The following MYO10 variants were observed in gnomAD, a reference collection of about 807,000 sequenced individuals.
The protein encoded by MYO10 is unconventional myosin-X.
Under a neutral mutation model 257.3 loss-of-function variants are expected in MYO10, and 133 were observed. That is an observed-to-expected ratio of 0.52 (90% CI 0.45 to 0.60). MYO10 has a LOEUF of 0.60. Among genes scored for constraint, MYO10 ranks in the 20% least tolerant of loss-of-function variants. MYO10 has a pLI of 0.00. For missense variants in MYO10, 2,399 were observed against 2,635.7 expected (o/e 0.91, Z 1.97); for synonymous variants, 1,104 against 1,028.6 (o/e 1.07, Z -1.40).
At chr5:16,904,762 T>C (rs766491304) in intron 1 of MYO10, among the ~76,000 whole-genome samples, 1 of 152,094 alleles carries the variant, frequency 6.6e-6, no homozygotes, top group Non-Finnish European at 1.5e-5. Flanking sequence ...ACCCCGTCTC[T>C]ACTAAAAATT....
chr5:16,826,711 G>T (rs759462891), intron 2 of MYO10, among the ~76,000 whole-genome samples: 4 of 152,166 alleles, frequency 2.6e-5, no homozygotes, highest in African/African-American at 4.8e-5. Context: ...CCCTTTGCAC[G>T]AAGTTGGCTG....
At chr5:16,890,602 G>A (rs1236622465) in intron 1 of MYO10, among the ~76,000 whole-genome samples, 1 of 151,720 alleles carries the variant, frequency 6.6e-6, no homozygotes, top group Non-Finnish European at 1.5e-5. Flanking sequence ...AACTTTGGGA[G>A]GCCGGGGCAG....
At chr5:16,784,073 G>A (rs1741502896) in intron 4 of MYO10, among the ~76,000 whole-genome samples, 1 of 152,202 alleles carries the variant, frequency 6.6e-6, no homozygotes, top group Admixed American at 6.5e-5. Context: ...ACGTGTTAGT[G>A]ATAGTTAAGG....
At chr5:16,675,656 T>C (rs27502) in intron 34 of MYO10, among the ~76,000 whole-genome samples, 6,099 of 152,188 alleles carry the variant, frequency 0.04, 294 homozygotes, top group African/African-American at 0.12. Flanking sequence ...GAGAACGACC[T>C]TAACCTGGGA....
chr5:16,750,042 C>T (rs924895862), intron 19 of MYO10, among the ~76,000 whole-genome samples: 1 of 152,116 alleles, frequency 6.6e-6, no homozygotes, highest in Non-Finnish European at 1.5e-5. Flanking sequence ...CGCCACCGCC[C>T]AAGCAAATCA....
intron 4 of MYO10, among the ~76,000 whole-genome samples, chr5:16,787,278 G>A (rs1053676541): frequency 3.3e-5 from 5 of 152,124 alleles, no homozygotes; most frequent in Admixed American, 3.3e-4. Flanking sequence ...GAGGTAAGTG[G>A]TGTCTACTCA....
intron 2 of MYO10, among the ~76,000 whole-genome samples, chr5:16,863,333 G>A (rs1163558358): frequency 1.3e-5 from 2 of 152,166 alleles, no homozygotes; most frequent in Non-Finnish European, 2.9e-5. Flanking sequence ...AGGGGCTGGG[G>A]TGGGAAGGCA....
intron 30 of MYO10, 123 bp downstream of exon 30, chr5:16,683,757 G>C (rs1457866274): frequency 6.7e-6 from 6 of 895,178 alleles, no homozygotes; most frequent in Non-Finnish European, 1.0e-5. Flanking sequence ...TTGACAAGGT[G>C]GGAACACACA....
intron 2 of MYO10, among the ~76,000 whole-genome samples, chr5:16,829,550 G>A (rs142753993): frequency 1.3e-5 from 2 of 152,276 alleles, no homozygotes; most frequent in African/African-American, 4.8e-5. Context: ...ATCAGGGATG[G>A]TGCACACAAC....
chr5:16,934,604 A>G (rs532627485), intron 1 of MYO10, among the ~76,000 whole-genome samples: 19 of 152,348 alleles, frequency 1.2e-4, no homozygotes, highest in African/African-American at 4.6e-4. Context: ...AAAAGGAAAA[A>G]TATGTATTGA....
chr5:16,881,525 C>A (rs1224811628), intron 1 of MYO10, among the ~76,000 whole-genome samples: 1 of 152,198 alleles, frequency 6.6e-6, no homozygotes, highest in Non-Finnish European at 1.5e-5. Flanking sequence ...AAATCCACAG[C>A]CCATTGGCCA....
rs574472495 is a variant in MYO10, at chr5:16,823,933, A to C, written c.121-5766T>G. Among the ~76,000 whole-genome samples the C allele has an allele frequency of 1.6e-4, 25 of 152,298 alleles. No homozygotes were observed. In the South Asian group the frequency reaches 5.2e-3, roughly 32 times the overall value. Reference sequence around the variant, plus strand: ...TGGAAAAGGAGGGAAGGAATGAGCAAAACATGGAGGATTAACAGACAAGAA... The same window carrying C: ...TGGAAAAGGAGGGAAGGAATGAGCACAACATGGAGGATTAACAGACAAGAA... On this transcript the variant is annotated intron_variant, in intron 2 of 40. Coordinates refer to ENST00000513610, the MANE Select transcript of MYO10 (RefSeq NM_012334.3).
In MYO10 at chr5:16,663,214, CTTAAA is replaced by C. The variant is rs1465724607; in HGVS notation, c.*3473_*3477del. 2.0e-5 allele frequency: 3 copies of C among 151,222 alleles called. No homozygotes were observed. The highest frequency in any genetic ancestry group is 1.9e-4 in the East Asian group (1 of 5,146). 9.4% of individuals were successfully genotyped at this position (151,222 alleles called of 1,614,324 possible). A position where few individuals can be genotyped will look rare whatever the true frequency, so the allele number is the denominator to read the frequency against. Reference sequence around the variant, plus strand: ...TATGTATGAGTAAATGATTGGACAGCTTAAATTATTTTTGAGAGAATATTCAATAA... The same window carrying C: ...TATGTATGAGTAAATGATTGGACAGCTTATTTTTGAGAGAATATTCAATAA... On this transcript the variant is annotated 3_prime_UTR_variant, in exon 41 of 41. Coordinates refer to ENST00000513610, the MANE Select transcript of MYO10 (RefSeq NM_012334.3).
rs377546740 is a variant in MYO10 at position 16,883,029 on chromosome 5, C to T, written c.22-5322G>A. On this transcript the variant is annotated intron_variant, in intron 1 of 40. Coordinates refer to ENST00000513610, the MANE Select transcript of MYO10 (RefSeq NM_012334.3). ...CTCCCAGGTTCACGCCATTCTCCTG[C>T]CTCAGCCTCCTGAGTAGCTGGGACT... Among the ~76,000 whole-genome samples, 37 of 152,048 alleles carry T rather than the reference C, an allele frequency of 2.4e-4. No individual in the cohort carries two copies. The South Asian group carries it at 4.2e-3, about 17-fold the overall frequency.
intron 1 of MYO10, among the ~76,000 whole-genome samples, chr5:16,905,257 A>G (rs1231033647): frequency 6.6e-6 from 1 of 152,100 alleles, no homozygotes; most frequent in Non-Finnish European, 1.5e-5. Flanking sequence ...GTATTCCACA[A>G]AGACTCAACC....
At chr5:16,839,944 A>G (rs1174538856) in intron 2 of MYO10, among the ~76,000 whole-genome samples, 1 of 152,170 alleles carries the variant, frequency 6.6e-6, no homozygotes, top group East Asian at 1.9e-4. Context: ...CCTCATTGTA[A>G]GTCGAGGGGC....
chr5:16,878,447 G>A (rs1744664909), intron 1 of MYO10, among the ~76,000 whole-genome samples: 1 of 152,066 alleles, frequency 6.6e-6, no homozygotes, highest in Non-Finnish European at 1.5e-5. Flanking sequence ...TTAAATCTTG[G>A]GCACATTTTT....
At chr5:16,684,022 A>G (rs888044864) in intron 29 of MYO10, 87 bp from the exon 30 acceptor site, 8 of 1,206,162 alleles carry the variant, frequency 6.6e-6, no homozygotes, top group Admixed American at 4.0e-5. Flanking sequence ...ACAACTCCCA[A>G]TCAGACAGAA....
intron 26 of MYO10, among the ~76,000 whole-genome samples, chr5:16,698,359 TTAAA>T (rs1167955789): frequency 6.6e-6 from 1 of 152,186 alleles, no homozygotes; most frequent in Non-Finnish European, 1.5e-5. Flanking sequence ...AGACCCTGTC[TTAAA>T]TAAATACCTA....
Sources: gnomAD v4.1 joint callset for allele counts (sites outside exome capture counted in the v4.1 genomes callset) on GRCh38, gnomAD v4.1.1 for gene constraint, MANE v1.5 for transcripts, NCBI Gene and HGNC (gene_info 2026-07-23, HGNC 2026-07-21) for gene names.